The following SLX4 variants were observed in gnomAD, a reference collection of about 807,000 sequenced individuals.
The protein encoded by SLX4 is structure-specific endonuclease subunit SLX4.
SLX4 carries 112 observed loss-of-function variants against 146.2 expected under a neutral mutation model. The observed-to-expected ratio is 0.77, with a 90% CI of 0.66 to 0.90. The LOEUF (loss-of-function observed/expected upper bound fraction) is 0.90, where lower values mean the gene tolerates loss of function less well. SLX4 is among the 40% of genes least tolerant of loss of function. The pLI, the probability that SLX4 is intolerant of heterozygous loss-of-function variation, is 0.00. For missense variants in SLX4, 2,563 were observed against 2,392.7 expected (o/e 1.07, Z -1.49); for synonymous variants, 1,061 against 997.7 (o/e 1.06, Z -1.20).
intron 9 of SLX4, among the ~76,000 whole-genome samples, chr16:3,595,034 G>A (rs2040635318): frequency 6.6e-6 from 1 of 152,222 alleles, no homozygotes; most frequent in African/African-American, 2.4e-5. Flanking sequence ...CTGTGATGAT[G>A]TCCCTAGGCT....
chr16:3,607,178 G>A (rs978863979), intron 2 of SLX4, among the ~76,000 whole-genome samples: 1 of 152,220 alleles, frequency 6.6e-6, no homozygotes, highest in Non-Finnish European at 1.5e-5. Context: ...ACCCCATGAA[G>A]TTGTGTGCCA....
intron 5 of SLX4, 147 bp downstream of exon 5, chr16:3,600,832 G>A (rs1285368681): frequency 1.3e-6 from 1 of 775,064 alleles, no homozygotes; most frequent in Non-Finnish European, 2.2e-6. Context: ...CTGATCTAAG[G>A]TGATCTGCCC....
chr16:3,598,121 C>T, intron 5 of SLX4, 122 bp from the exon 6 acceptor site: 4 of 1,093,656 alleles, frequency 3.7e-6, no homozygotes, highest in Non-Finnish European at 5.5e-6. Context: ...ACCTGCCAGG[C>T]AGATGCGTCC....
At chr16:3,595,717 A>C (rs1333749352) in intron 8 of SLX4, 24 bp from the exon 9 acceptor site, 1 of 1,612,432 alleles carries the variant, frequency 6.2e-7, no homozygotes, top group East Asian at 2.2e-5. Flanking sequence ...TCACAGGTTA[A>C]AGGAACGTCA....
intron 12 of SLX4, among the ~76,000 whole-genome samples, chr16:3,587,994 A>C (rs2040527424): frequency 6.6e-6 from 1 of 152,146 alleles, no homozygotes; most frequent in Non-Finnish European, 1.5e-5. Context: ...GACTGAAATG[A>C]GCAGGGAGGT....
At chr16:3,591,809 G>A (rs1236025186) in intron 11 of SLX4, among the ~76,000 whole-genome samples, 1 of 152,110 alleles carries the variant, frequency 6.6e-6, no homozygotes, top group Non-Finnish European at 1.5e-5. Flanking sequence ...AGTGAGCTGT[G>A]ATCATGCCAC....
Position 3,592,747 on chromosome 16 carries a change from G to C in SLX4, c.2279C>G (p.Thr760Ser). ...TFLHYLYTAD[T>S]GLPPGLSSEL... ...AGAGCTAAGGCCAGGAGGAAGGCCA[G>C]TGTCCGCAGTGTAGAGATAGTGCAG... is the stretch of plus-strand genomic sequence containing the variant. The change falls in exon 11 of 15, where the codon ACT (threonine) becomes AGT (serine). Residue 760 changes from threonine to serine, a missense_variant. Coordinates refer to ENST00000294008, the MANE Select transcript of SLX4 (RefSeq NM_032444.4). 6.2e-7 allele frequency: 1 copy of C among 1,613,380 alleles called. No homozygotes were observed. The highest frequency in any genetic ancestry group is 8.5e-7 in the Non-Finnish European group (1 of 1,180,036).
At chr16:3,592,073 G>A (rs186960305) in intron 11 of SLX4, among the ~76,000 whole-genome samples, 39 of 152,344 alleles carry the variant, frequency 2.6e-4, no homozygotes, top group South Asian at 1.0e-3. Flanking sequence ...CCAGGCCAAC[G>A]GGCAAGCCAG....
intron 1 of SLX4, among the ~76,000 whole-genome samples, chr16:3,610,980 A>G (rs2040859821): frequency 6.6e-6 from 1 of 152,130 alleles, no homozygotes; most frequent in African/African-American, 2.4e-5. Context: ...AACTGTGTTG[A>G]TCTCCGCATC....
Position 3,583,297 on chromosome 16 carries a change from A to G in SLX4, c.4953T>C (p.Pro1651=), listed in dbSNP as rs1448549529. 2.5e-6 allele frequency: 4 copies of G among 1,614,174 alleles called. No homozygotes were observed. The East Asian group carries it at 8.9e-5, about 36-fold the overall frequency. The part of the protein sequence containing the change: ...VHAQQEATTG[P]GAHRPKGPAK... ...CAGGTCCCTTGGGCCTATGGGCCCCAGGTCCTGTGGTGGCCTCCTGCTGGG... is the reference window on the plus strand; with the variant it reads ...CAGGTCCCTTGGGCCTATGGGCCCCGGGTCCTGTGGTGGCCTCCTGCTGGG... The change falls in exon 14 of 15, where the codon CCT becomes CCC. Residue 1651 remains proline (P), a synonymous_variant. Transcript: ENST00000294008.
Position 3,591,063 on chromosome 16 carries a change from C to CT in SLX4, c.2574dup (p.Ala859SerfsTer20). On this transcript the variant is annotated frameshift_variant, in exon 12 of 15. Coordinates refer to ENST00000294008, the MANE Select transcript of SLX4 (RefSeq NM_032444.4). LOFTEE classifies it high-confidence loss of function. ...TCCTGGAGAAGCTTTCGCTGAGTAGCTGCAAATTCATAAATTTCTTCCATT... is the reference window on the plus strand; with the variant it reads ...TCCTGGAGAAGCTTTCGCTGAGTAGCTTGCAAATTCATAAATTTCTTCCATT... 1 of 1,614,186 alleles carries CT rather than the reference C, an allele frequency of 6.2e-7. No homozygotes were observed. The highest frequency in any genetic ancestry group is 2.2e-5 in the East Asian group (1 of 44,882).
chr16:3,583,101 G>A lies in SLX4; in HGVS notation c.5149C>T (p.Gln1717Ter), dbSNP rs2040460108. 3.7e-6 allele frequency: 6 copies of A among 1,614,112 alleles called. No individual in the cohort carries two copies. Among genetic ancestry groups the A allele is most frequent in the African/African-American group, 1.3e-5 (1 of 74,934 alleles). Residue 1717 changes from glutamine (Q) to a stop codon, truncating the protein, a stop_gained, in exon 14 of 15, where the codon CAG (glutamine) becomes TAG (stop). Transcript: ENST00000294008. LOFTEE classifies it low-confidence loss of function (END_TRUNC). ...VDGSDSSLSSQSSSSCEFGAA... is the reference protein window; with the variant it reads ...VDGSDSSLSS ...CCATCGCATCCATCCGGTTACCTCT[G>A]TGAGCTCAAGGAGCTGTCACTGCCA...
Position 3,601,207 on chromosome 16 carries a change from C to G in SLX4, c.951-16G>C. On this transcript the variant is annotated splice_polypyrimidine_tract_variant and intron_variant, in intron 4 of 14. Transcript: ENST00000294008. ...ATCCAAGCACCTGAAGGAAAACAGT[C>G]AATACAGGAGAACCACCCTCCCCAG... 6.2e-7 allele frequency: 1 copy of G among 1,613,574 alleles called. No homozygotes were observed. Among genetic ancestry groups the G allele is most frequent in the Non-Finnish European group, 8.5e-7 (1 of 1,179,738 alleles).
rs549542013 is a variant in SLX4 at position 3,601,266 on chromosome 16, A to G, written c.951-75T>C. On this transcript the variant is annotated intron_variant, in intron 4 of 14. Coordinates refer to ENST00000294008, the MANE Select transcript of SLX4 (RefSeq NM_032444.4). ...ATTGGAGCAAATGTGGGTCCAGGTC[A>G]ACACAGACGTGCTGTGGTCAAAGCA... The G allele has an allele frequency of 2.7e-6, 4 of 1,480,620 alleles. No homozygotes were observed. The East Asian group carries it at 6.8e-5, about 25-fold the overall frequency. 91.7% of individuals were successfully genotyped at this position (1,480,620 alleles called of 1,614,324 possible).
At chr16:3,604,416 G>A (rs922890936) in intron 3 of SLX4, among the ~76,000 whole-genome samples, 3 of 152,114 alleles carry the variant, frequency 2.0e-5, no homozygotes, top group African/African-American at 4.8e-5. Flanking sequence ...TGAACTGGAC[G>A]CCAGGCACTA....
Position 3,589,247 on chromosome 16 carries a change from C to T in SLX4, c.4391G>A (p.Ser1464Asn), listed in dbSNP as rs2040545152. The change falls in exon 12 of 15, where the codon AGC (serine) becomes AAC (asparagine). Residue 1464 changes from serine (S) to asparagine (N), a missense_variant. Ser to Asn is a conservative substitution (Grantham distance 46, BLOSUM62 1). Transcript: ENST00000294008. The surrounding 1 kb of genome is among the most constrained non-coding windows in gnomAD (Gnocchi z 6.2). Reference protein sequence around the residue: ...PSRRMNEAADSRDCRSPGLLD... With the variant: ...PSRRMNEAADNRDCRSPGLLD... ...GAGTCCCGGGGAGCGACAGTCACGG[C>T]TGTCGGCGGCCTCGTTCATCCTGCG... The T allele has an allele frequency of 1.9e-6, 3 of 1,606,784 alleles. No homozygotes were observed. Among genetic ancestry groups the T allele is most frequent in the Non-Finnish European group, 2.6e-6 (3 of 1,175,054 alleles).
chr16:3,589,796 C>A lies in SLX4; in HGVS notation c.3842G>T (p.Gly1281Val), dbSNP rs766299864. 6.2e-7 allele frequency: 1 copy of A among 1,613,428 alleles called. No individual in the cohort carries two copies. Among genetic ancestry groups the A allele is most frequent in the South Asian group, 1.1e-5 (1 of 91,082 alleles). The change falls in exon 12 of 15, where the codon GGG becomes GTG. Residue 1281 changes from glycine (G) to valine (V), a missense_variant. Gly to Val is a moderately radical substitution (Grantham distance 109). Transcript: ENST00000294008. The surrounding 1 kb of genome is among the most constrained non-coding windows in gnomAD (Gnocchi z 6.2). ...CTGAGTCACCGCCTGCACGGCCAGC[C>A]CGCTCCTGAGGCTGCTGATTTGGGT... ...SQTQISSLRS[G>V]LAVQAVTQHT...
At chr16:3,607,870 A>T (rs1349088552) in intron 2 of SLX4, among the ~76,000 whole-genome samples, 3 of 152,212 alleles carry the variant, frequency 2.0e-5, no homozygotes, top group Non-Finnish European at 4.4e-5. Context: ...TTTGGAATAA[A>T]TTCAAGAAAA....
At chr16:3,607,135 G>A (rs538549437) in intron 2 of SLX4, among the ~76,000 whole-genome samples, 1 of 152,290 alleles carries the variant, frequency 6.6e-6, no homozygotes, top group South Asian at 2.1e-4. Context: ...TTTAACTTGG[G>A]ATCCACGGAT....
Sources: allele counts gnomAD v4.1 joint callset (sites outside exome capture counted in the v4.1 genomes callset), GRCh38; gene constraint gnomAD v4.1.1; non-coding constraint Gnocchi (gnomAD v3.1); transcripts MANE v1.5; gene names NCBI Gene and HGNC (gene_info 2026-07-23, HGNC 2026-07-21).